Variants in OTUD7A observed in about 807,000 individuals in gnomAD.
The protein encoded by OTUD7A is OTU deubiquitinase 7A.
OTUD7A carries 12 observed loss-of-function variants against 65.7 expected under a neutral mutation model. The ratio of observed to expected loss-of-function variants is 0.18; its 90% CI spans 0.12 to 0.30. The LOEUF is 0.30. Ranked by LOEUF, OTUD7A falls within the 10% of genes least tolerant of loss-of-function variation. The pLI, the probability that OTUD7A is intolerant of heterozygous loss-of-function variation, is 1.00. For missense variants in OTUD7A, 1,148 were observed against 1,304.8 expected (o/e 0.88, Z 1.85); for synonymous variants, 641 against 586.3 (o/e 1.09, Z -1.35).
At chr15:31,674,851 A>G (rs1892561473) in intron 1 of OTUD7A, among the ~76,000 whole-genome samples, 1 of 152,224 alleles carries the variant, frequency 6.6e-6, no homozygotes, top group Non-Finnish European at 1.5e-5. Flanking sequence ...CTGGGAGTAC[A>G]AAACATAATG....
rs540759922 is a variant in OTUD7A, at chr15:31,500,633, C to G, written c.1171+1057G>C. On this transcript the variant is annotated intron_variant, in intron 10 of 12. Transcript: ENST00000307050. ...TTTGTCTGTGTCCTTTCCTTCCCAGCTGTCTACAGGAAGGAGTAGCATTTG... is the reference window on the plus strand; with the variant it reads ...TTTGTCTGTGTCCTTTCCTTCCCAGGTGTCTACAGGAAGGAGTAGCATTTG... Among the ~76,000 whole-genome samples the G allele has an allele frequency of 3.9e-5, 6 of 152,352 alleles. No individual in the cohort carries two copies. The South Asian group carries it at 1.2e-3, about 32-fold the overall frequency.
At position 31,652,629 on chromosome 15, in the gene OTUD7A, CTCAA is replaced by C. The variant is rs761279267; in HGVS notation, c.151+2463_151+2466del. Reference sequence around the variant, plus strand: ...CAGAATATGTAAAGAACTCTTAAAACTCAATCAAACAACTCAATTTAGACATAGG... The same window carrying C: ...CAGAATATGTAAAGAACTCTTAAAACTCAAACAACTCAATTTAGACATAGG... On this transcript the variant is annotated intron_variant, in intron 3 of 12. Transcript: ENST00000307050. 3.3e-5 allele frequency among the ~76,000 whole-genome samples: 5 copies of C among 152,154 alleles called. No homozygotes were observed. The East Asian group carries it at 7.7e-4, about 23-fold the overall frequency.
intron 1 of OTUD7A, among the ~76,000 whole-genome samples, chr15:31,791,012 T>G (rs1161371874): frequency 6.6e-6 from 1 of 152,066 alleles, no homozygotes; most frequent in Non-Finnish European, 1.5e-5. Context: ...CAACTAATGG[T>G]CATCTTTTTT....
chr15:31,558,666 G>A, intron 5 of OTUD7A: 1 of 430,908 alleles, frequency 2.3e-6, no homozygotes, highest in Non-Finnish European at 4.2e-6. Flanking sequence ...AGTTGTCTGG[G>A]GAAAGAGAGA....
At chr15:31,801,950 C>T (rs574338493) in intron 1 of OTUD7A, among the ~76,000 whole-genome samples, 1 of 152,224 alleles carries the variant, frequency 6.6e-6, no homozygotes, top group African/African-American at 2.4e-5. Flanking sequence ...ACTCAAGTGA[C>T]ACTACTTTAG....
At chr15:31,612,240 A>G (rs927409576) in intron 3 of OTUD7A, among the ~76,000 whole-genome samples, 3 of 152,226 alleles carry the variant, frequency 2.0e-5, no homozygotes, top group Non-Finnish European at 4.4e-5. Context: ...CTGGAACAAG[A>G]CAAGGATGCC....
At chr15:31,798,322 T>C (rs1469570524) in intron 1 of OTUD7A, among the ~76,000 whole-genome samples, 2 of 152,186 alleles carry the variant, frequency 1.3e-5, no homozygotes, top group African/African-American at 2.4e-5. Flanking sequence ...GCCCGTGAGC[T>C]GCCTGCTGTC....
At chr15:31,538,789 T>C (rs1193340756) in intron 5 of OTUD7A, among the ~76,000 whole-genome samples, 1 of 152,124 alleles carries the variant, frequency 6.6e-6, no homozygotes, top group Admixed American at 6.5e-5. Flanking sequence ...CAGGTTCCTT[T>C]CAACATAAAA....
chr15:31,546,572 A>G (rs1205483606), intron 5 of OTUD7A, among the ~76,000 whole-genome samples: 5 of 152,224 alleles, frequency 3.3e-5, no homozygotes, highest in African/African-American at 1.2e-4. Context: ...CAAGATAGAA[A>G]GAGAATCCTC....
chr15:31,612,489 T>C (rs774836772), intron 3 of OTUD7A, among the ~76,000 whole-genome samples: 2 of 152,172 alleles, frequency 1.3e-5, no homozygotes, highest in Non-Finnish European at 1.5e-5. Flanking sequence ...GTAACTCTTC[T>C]ATATACCAAG....
chr15:31,587,465 G>A (rs563756934), intron 3 of OTUD7A, among the ~76,000 whole-genome samples: 74 of 151,786 alleles, frequency 4.9e-4, no homozygotes, highest in Middle Eastern at 6.8e-3. Context: ...GTGAAACCCC[G>A]TCTCTACTAA....
intron 1 of OTUD7A, among the ~76,000 whole-genome samples, chr15:31,817,002 A>T (rs1896566886): frequency 6.6e-6 from 1 of 152,198 alleles, no homozygotes; most frequent in Admixed American, 6.5e-5. Flanking sequence ...CACTTAATTC[A>T]CAATTACAAC....
intron 1 of OTUD7A, among the ~76,000 whole-genome samples, chr15:31,753,701 A>AACCTG (rs1172756868): frequency 7.4e-5 from 3 of 40,542 alleles, no homozygotes; most frequent in African/African-American, 4.7e-4. Flanking sequence ...ATATATATAT[A>AACCTG]TTATATATAT....
At chr15:31,623,447 CT>C (rs1252439835) in intron 3 of OTUD7A, among the ~76,000 whole-genome samples, 2 of 152,244 alleles carry the variant, frequency 1.3e-5, no homozygotes, top group Non-Finnish European at 2.9e-5. Flanking sequence ...TGTTTACCTA[CT>C]CAAGCCTGAG....
At chr15:31,585,746 G>C (rs549263192) in intron 3 of OTUD7A, among the ~76,000 whole-genome samples, 1 of 152,282 alleles carries the variant, frequency 6.6e-6, no homozygotes, top group African/African-American at 2.4e-5. Flanking sequence ...ATACATATAT[G>C]TGTATACATA....
chr15:31,781,972 A>G (rs1464791813), intron 1 of OTUD7A, among the ~76,000 whole-genome samples: 1 of 152,250 alleles, frequency 6.6e-6, no homozygotes, highest in African/African-American at 2.4e-5. Context: ...GCTAGTGAGA[A>G]TTGAACACAG....
chr15:31,530,694 C>T lies in OTUD7A; in HGVS notation c.652+13G>A. ...GGAGCCTGGCCACCCTCTGTCTGTG[C>T]TGTGGAGCTTACCCAGTGAAGCAGC... On this transcript the variant is annotated intron_variant, in intron 6 of 12. Coordinates refer to ENST00000307050, the MANE Select transcript of OTUD7A (RefSeq NM_001382637.1). The T allele has an allele frequency of 6.2e-7, 1 of 1,612,274 alleles. No individual in the cohort carries two copies. The highest frequency in any genetic ancestry group is 8.5e-7 in the Non-Finnish European group (1 of 1,178,578).
At chr15:31,792,426 C>T (rs913495121) in intron 1 of OTUD7A, among the ~76,000 whole-genome samples, 6 of 152,124 alleles carry the variant, frequency 3.9e-5, no homozygotes, top group South Asian at 2.1e-4. Context: ...CCAGTCCTGC[C>T]GCCCTCTCCA....
intron 1 of OTUD7A, among the ~76,000 whole-genome samples, chr15:31,696,132 G>A (rs1427608009): frequency 1.3e-5 from 2 of 150,062 alleles, no homozygotes; most frequent in African/African-American, 4.8e-5. Context: ...GTGAGTGACA[G>A]GGCACAGGGT....
Sources: allele counts gnomAD v4.1 joint callset (sites outside exome capture counted in the v4.1 genomes callset), GRCh38; gene constraint gnomAD v4.1.1; transcripts MANE v1.5; gene names NCBI Gene and HGNC (gene_info 2026-07-23, HGNC 2026-07-21).